Variants in MAML3 observed in about 807,000 individuals in gnomAD.
MAML3 encodes mastermind-like protein 3.
MAML3 carries 27 observed loss-of-function variants against 101.9 expected under a neutral mutation model. The observed-to-expected ratio is 0.27, with a 90% CI of 0.20 to 0.37. MAML3 has a LOEUF of 0.37. Ranked by LOEUF, MAML3 falls within the 10% of genes least tolerant of loss-of-function variation. MAML3 has a pLI of 1.00. For missense variants in MAML3, 1,316 were observed against 1,444.9 expected (o/e 0.91, Z 1.45); for synonymous variants, 501 against 555.9 (o/e 0.90, Z 1.39).
intron 1 of MAML3, among the ~76,000 whole-genome samples, chr4:139,977,613 C>T (rs1045515650): frequency 6.6e-6 from 1 of 152,178 alleles, no homozygotes; most frequent in Non-Finnish European, 1.5e-5. Flanking sequence ...TAGCTCACGC[C>T]TGTAATCCCA....
intron 2 of MAML3, among the ~76,000 whole-genome samples, chr4:139,769,905 G>A (rs983793440): frequency 2.8e-4 from 39 of 140,122 alleles, no homozygotes; most frequent in Non-Finnish European, 5.0e-4. Flanking sequence ...GTGAGCCATC[G>A]CGCCCAGCCT....
chr4:139,743,831 T>C (rs1729235984), intron 2 of MAML3, among the ~76,000 whole-genome samples: 1 of 152,232 alleles, frequency 6.6e-6, no homozygotes, highest in African/African-American at 2.4e-5. Flanking sequence ...TCTTTTTTCT[T>C]TGATGTAGTC....
intron 1 of MAML3, among the ~76,000 whole-genome samples, chr4:140,047,437 C>T (rs993128878): frequency 1.3e-5 from 2 of 152,126 alleles, no homozygotes; most frequent in African/African-American, 2.4e-5. Flanking sequence ...GGAATTGCAG[C>T]GCCCGTATCT....
chr4:139,891,821 C>T (rs1304679707), intron 1 of MAML3, among the ~76,000 whole-genome samples: 1 of 152,204 alleles, frequency 6.6e-6, no homozygotes, highest in Non-Finnish European at 1.5e-5. Flanking sequence ...CTTTCAGAAC[C>T]TTTTGATAGG....
At chr4:139,822,510 G>A (rs1334750508) in intron 2 of MAML3, among the ~76,000 whole-genome samples, 1 of 152,172 alleles carries the variant, frequency 6.6e-6, no homozygotes. Flanking sequence ...TCCCCTTATT[G>A]GCGCTAGACA....
intron 1 of MAML3, among the ~76,000 whole-genome samples, chr4:139,983,516 A>AT (rs1228822317): frequency 2.6e-5 from 4 of 152,124 alleles, no homozygotes; most frequent in African/African-American, 4.8e-5. Context: ...TTGAATTTTG[A>AT]TTTTTTGGAT....
chr4:139,914,003 A>AT (rs972226373), intron 1 of MAML3, among the ~76,000 whole-genome samples: 11 of 150,730 alleles, frequency 7.3e-5, no homozygotes, highest in Non-Finnish European at 1.2e-4. Flanking sequence ...CTACATTAAA[A>AT]TTTTTTTTTT....
intron 1 of MAML3, among the ~76,000 whole-genome samples, chr4:139,913,640 A>G (rs1172642136): frequency 6.6e-6 from 1 of 152,172 alleles, no homozygotes; most frequent in Non-Finnish European, 1.5e-5. Context: ...GTGAGAGCAA[A>G]AGAACCAAGG....
chr4:140,127,986 A>T (rs936732578), intron 1 of MAML3: 3 of 152,222 alleles, frequency 2.0e-5, no homozygotes, highest in Non-Finnish European at 4.4e-5. Flanking sequence ...GAGCCACTTT[A>T]ATGTGACTTC....
At chr4:139,756,872 T>C (rs1729663375) in intron 2 of MAML3, among the ~76,000 whole-genome samples, 1 of 152,208 alleles carries the variant, frequency 6.6e-6, no homozygotes, top group Non-Finnish European at 1.5e-5. Flanking sequence ...AACATTTTTA[T>C]GGAGGTTCTC....
intron 1 of MAML3, among the ~76,000 whole-genome samples, chr4:140,100,829 G>A (rs1378363081): frequency 6.6e-6 from 1 of 152,122 alleles, no homozygotes; most frequent in African/African-American, 2.4e-5. Flanking sequence ...TCAAGTATGG[G>A]AGTGATTTTG....
chr4:139,785,710 TA>T lies in MAML3; in HGVS notation c.2080-55044del, dbSNP rs1361873543. On this transcript the variant is annotated intron_variant, in intron 2 of 4. Coordinates refer to ENST00000509479, the MANE Select transcript of MAML3 (RefSeq NM_018717.5). The surrounding 1 kb of genome is among the most constrained non-coding windows in gnomAD (Gnocchi z 4.3). ...TGTGATAAAACAGATTTCCTGAATTTAAAATGCTACTGAGGGTTTTGGGTGG... is the reference window on the plus strand; with the variant it reads ...TGTGATAAAACAGATTTCCTGAATTTAAATGCTACTGAGGGTTTTGGGTGG... 6.6e-6 allele frequency among the ~76,000 whole-genome samples: 1 copy of T among 152,150 alleles called. No homozygotes were observed. Among genetic ancestry groups the T allele is most frequent in the Non-Finnish European group, 1.5e-5 (1 of 68,014 alleles).
intron 1 of MAML3, among the ~76,000 whole-genome samples, chr4:139,996,686 C>CATGTGATACAACATCAT (rs59834103): frequency 6.6e-6 from 1 of 150,906 alleles, no homozygotes. Flanking sequence ...ATAGTTGTAT[C>CATGTGATACAACATCAT]GTGTGTGTGT....
At chr4:139,755,467 G>T (rs577652617) in intron 2 of MAML3, among the ~76,000 whole-genome samples, 1 of 152,136 alleles carries the variant, frequency 6.6e-6, no homozygotes, top group African/African-American at 2.4e-5. Flanking sequence ...AATTAGCCGG[G>T]TGTGGTGGTG....
At chr4:139,974,385 G>A (rs1461244276) in intron 1 of MAML3, among the ~76,000 whole-genome samples, 2 of 152,118 alleles carry the variant, frequency 1.3e-5, no homozygotes, top group Non-Finnish European at 2.9e-5. Context: ...GATTACAGGT[G>A]TAAGCCACCG....
rs751529455 is a variant in MAML3 at position 139,716,965 on chromosome 4, T to G, written c.*2358A>C. On this transcript the variant is annotated 3_prime_UTR_variant, in exon 5 of 5. Transcript: ENST00000509479. ...AGTACAAATTAGTAATTAGATGTCA[T>G]CTGAAGTGCAATACCACTGCTGTGA... 1.0e-4 allele frequency: 16 copies of G among 152,552 alleles called. No individual in the cohort carries two copies. The highest frequency in any genetic ancestry group is 1.9e-4 in the Non-Finnish European group (13 of 68,016). The allele number at this position is 152,552 out of a possible 1,614,324, so 9.4% of individuals were successfully genotyped here.
chr4:139,927,082 TTTTTGTAC>T lies in MAML3; in HGVS notation c.469-36123_469-36116del, dbSNP rs1229937442. ...GTTTTTTTCTTTTTTCTTTTTTTTT[TTTTTGTAC>T]TTTTTGTACTTTTCGTAGAGACAGG... On this transcript the variant is annotated intron_variant, in intron 1 of 4. Coordinates refer to ENST00000509479, the MANE Select transcript of MAML3 (RefSeq NM_018717.5). Among the ~76,000 whole-genome samples the T allele has an allele frequency of 1.3e-4, 19 of 149,780 alleles. No individual in the cohort carries two copies. The South Asian group carries it at 3.8e-3, about 30-fold the overall frequency.
At chr4:139,968,362 C>T (rs1480147875) in intron 1 of MAML3, among the ~76,000 whole-genome samples, 1 of 150,316 alleles carries the variant, frequency 6.7e-6, no homozygotes, top group Non-Finnish European at 1.5e-5. Context: ...GAAGTGTAGA[C>T]CAGAGCCCAT....
intron 1 of MAML3, among the ~76,000 whole-genome samples, chr4:139,978,947 TCTATGACTACTTTC>T: frequency 6.6e-6 from 1 of 151,944 alleles, no homozygotes; most frequent in South Asian, 2.1e-4. Flanking sequence ...TTCAAAGAGC[TCTATGACTACTTTC>T]AAAGAGCTCT....
Sources: gnomAD v4.1 joint callset for allele counts (sites outside exome capture counted in the v4.1 genomes callset) on GRCh38, gnomAD v4.1.1 for gene constraint, Gnocchi (gnomAD v3.1) non-coding constraint, MANE v1.5 for transcripts, NCBI Gene and HGNC (gene_info 2026-07-23, HGNC 2026-07-21) for gene names.